L3MBTL1: variants seen among roughly 807,000 people sequenced by gnomAD.
L3MBTL1 encodes the protein L3MBTL histone methyl-lysine binding protein 1.
L3MBTL1 carries 75 observed loss-of-function variants against 105.3 expected under a neutral mutation model. The observed-to-expected ratio is 0.71, with a 90% CI of 0.59 to 0.86. The LOEUF (loss-of-function observed/expected upper bound fraction) is 0.86. L3MBTL1 is among the 40% of genes least tolerant of loss of function. The probability of loss-of-function intolerance (pLI) is 0.00; values close to 1 mark genes in which losing one functional copy is unlikely to be tolerated. For missense variants in L3MBTL1, 1,069 were observed against 1,126.4 expected (o/e 0.95, Z 0.73); for synonymous variants, 452 against 436.2 (o/e 1.04, Z -0.45).
At chr20:43,519,489 A>G (rs2018593516) in intron 7 of L3MBTL1, among the ~76,000 whole-genome samples, 1 of 152,138 alleles carries the variant, frequency 6.6e-6, no homozygotes, top group African/African-American at 2.4e-5. Context: ...ATACAAAATT[A>G]GCCAGGCATG....
intron 20 of L3MBTL1, 23 bp from the exon 21 acceptor site, chr20:43,540,730 A>C (rs767529272): frequency 1.9e-6 from 3 of 1,613,578 alleles, no homozygotes; most frequent in South Asian, 1.1e-5. Context: ...CCCCTGGTCA[A>C]CATGTCATCT....
chr20:43,533,175 A>G (rs1247857865), intron 12 of L3MBTL1, among the ~76,000 whole-genome samples, 167 bp from the exon 13 acceptor site: 1 of 152,112 alleles, frequency 6.6e-6, no homozygotes, highest in Admixed American at 6.5e-5. Flanking sequence ...TATTATGGTG[A>G]TGGTAGAGTT....
At chr20:43,523,663 G>A (rs1433182681) in intron 7 of L3MBTL1, 1 of 181,532 alleles carries the variant, frequency 5.5e-6, no homozygotes, top group Non-Finnish European at 1.2e-5. Context: ...TGGTCAACAA[G>A]ATCTCCTTAT....
chr20:43,535,782 C>T (rs1600950946), intron 16 of L3MBTL1, 55 bp from the exon 17 acceptor site: 3 of 1,203,052 alleles, frequency 2.5e-6, no homozygotes, highest in Non-Finnish European at 3.5e-6. Context: ...CTTCCGTGCC[C>T]CACACTCCCC....
In L3MBTL1 at chr20:43,535,875, C is replaced by T. The variant is rs376467003; in HGVS notation, c.1864C>T (p.Pro622Ser). Residue 622 changes from proline to serine, a missense_variant, in exon 17 of 22, where the codon CCC becomes TCC. Coordinates refer to ENST00000418998, the MANE Select transcript of L3MBTL1 (RefSeq NM_001377303.1). ...CAGCTCTGCCTCCCCTGGGGGCTGTCCCCCTCTCAGCTATAGGAGCCTGCC... is the reference window on the plus strand; with the variant it reads ...CAGCTCTGCCTCCCCTGGGGGCTGTTCCCCTCTCAGCTATAGGAGCCTGCC... The part of the protein sequence containing the change: ...EPSSASPGGC[P>S]PLSYRSLPHT... 6.2e-7 allele frequency: 1 copy of T among 1,612,104 alleles called. No individual in the cohort carries two copies.
In L3MBTL1 at chr20:43,513,897, G is replaced by A. The variant is rs751561871; in HGVS notation, c.196G>A (p.Glu66Lys). Residue 66 changes from glutamate (E) to lysine (K), a missense_variant, in exon 3 of 22, where the codon GAG (glutamate) becomes AAG (lysine). Transcript: ENST00000418998. The part of the protein sequence containing the change: ...SALDVSCFPR[E>K]PIHVGAPEQV... The stretch of plus-strand genomic sequence containing the variant: ...CCTGGATGTGTCTTGCTTTCCCCGG[G>A]AGCCAATCCATGTGGGTGCCCCGGA... 9 of 1,550,588 alleles carry A rather than the reference G, an allele frequency of 5.8e-6. No individual in the cohort carries two copies. In the South Asian group the frequency reaches 1.1e-4, roughly 18 times the overall value.
intron 7 of L3MBTL1, among the ~76,000 whole-genome samples, chr20:43,525,759 G>A (rs1490098324): frequency 6.6e-6 from 1 of 152,014 alleles, no homozygotes; most frequent in Non-Finnish European, 1.5e-5. Context: ...ACCCGTGAAA[G>A]GGGTTACTAT....
At chr20:43,533,615 T>C (rs1053885638) in intron 13 of L3MBTL1, among the ~76,000 whole-genome samples, 197 bp downstream of exon 13, 1 of 152,162 alleles carries the variant, frequency 6.6e-6, no homozygotes, top group Non-Finnish European at 1.5e-5. Flanking sequence ...AAACCCTGAC[T>C]CCACTGGGGT....
chr20:43,534,228 G>T, intron 14 of L3MBTL1, 56 bp from the exon 15 acceptor site: 1 of 1,572,122 alleles, frequency 6.4e-7, no homozygotes, highest in Non-Finnish European at 8.7e-7. Flanking sequence ...CTCCCTCTGT[G>T]GGGCTCAGCT....
chr20:43,548,038 C>T lies in L3MBTL1; in HGVS notation c.2125-73C>T, dbSNP rs115911239. 1.3e-3 allele frequency: 1,456 copies of T among 1,089,142 alleles called. 18 individuals are homozygous for T. The African/African-American group carries it at 0.021, about 16-fold the overall frequency. The allele number at this position is 1,089,142 out of a possible 1,614,324, so 67.5% of individuals were successfully genotyped here. The stretch of plus-strand genomic sequence containing the variant: ...TCCCCCATTCCCCATGCACACCCCT[C>T]CCTTTCCTTCACCCCTGCCCCGTGA... On this transcript the variant is annotated intron_variant, in intron 18 of 18. Transcript: ENST00000422861.
At chr20:43,518,897 G>A (rs1039069645) in intron 7 of L3MBTL1, among the ~76,000 whole-genome samples, 4 of 135,716 alleles carry the variant, frequency 2.9e-5, no homozygotes, top group South Asian at 5.1e-4. Flanking sequence ...ATGGTGGCTC[G>A]CACCTGTAAT....
chr20:43,546,176 G>A (rs1332518432), downstream of L3MBTL1, among the ~76,000 whole-genome samples: 1 of 152,196 alleles, frequency 6.6e-6, no homozygotes, highest in African/African-American at 2.4e-5. Flanking sequence ...TGGCAGGGGT[G>A]GTAGAGGGAA....
chr20:43,518,239 A>G (rs1194576938), intron 7 of L3MBTL1, among the ~76,000 whole-genome samples: 1 of 151,326 alleles, frequency 6.6e-6, no homozygotes, highest in African/African-American at 2.4e-5. Context: ...TCTCATTTTC[A>G]GAGTCTTCTG....
At position 43,513,598 on chromosome 20, in the gene L3MBTL1, G is replaced by A; in HGVS notation, c.95G>A (p.Gly32Asp). Residue 32 changes from glycine (G) to aspartate (D), a missense_variant, in exon 2 of 22, where the codon GGT becomes GAT. Gly to Asp is a moderately conservative substitution (Grantham distance 94). Transcript: ENST00000418998. ...SMHLVAGDSP[G>D]SGPHLPATAF... ...CACTTGGTGGCCGGAGACAGCCCCG[G>A]TTCTGGTCCTCACCTGCCCGCAACT... 1 of 1,550,584 alleles carries A rather than the reference G, an allele frequency of 6.4e-7. No individual in the cohort carries two copies. The highest frequency in any genetic ancestry group is 8.7e-7 in the Non-Finnish European group (1 of 1,146,974).
intron 18 of L3MBTL1, among the ~76,000 whole-genome samples, chr20:43,547,523 T>A (rs1231428224): frequency 6.6e-6 from 1 of 152,220 alleles, no homozygotes; most frequent in Non-Finnish European, 1.5e-5. Context: ...GAAAGTTAGA[T>A]CCAAAGGCTG....
downstream of L3MBTL1, among the ~76,000 whole-genome samples, chr20:43,544,522 T>C (rs1032528609): frequency 1.3e-5 from 2 of 152,200 alleles, no homozygotes; most frequent in Non-Finnish European, 2.9e-5. Flanking sequence ...GTCATTCCAT[T>C]GTTCCCTTAC....
At chr20:43,513,327 C>T (rs1160058788) in intron 1 of L3MBTL1, 149 bp from the exon 2 acceptor site, 2 of 734,502 alleles carry the variant, frequency 2.7e-6, no homozygotes, top group South Asian at 3.7e-5. Context: ...TGAAGACACC[C>T]TACTCCCCAC....
Position 43,514,710 on chromosome 20 carries a change from G to A in L3MBTL1, c.436G>A (p.Gly146Ser). ...CCCGAGCCCCGAGCTGCGGCAGGAA[G>A]GCGTGACCGAATACGAAGATGGCGG... is the stretch of plus-strand genomic sequence containing the variant. ...QPPSPELRQE[G>S]VTEYEDGGAP... is the part of the protein sequence containing the mutation. Residue 146 changes from glycine to serine, a missense_variant, in exon 4 of 22, where the codon GGC becomes AGC. By Grantham distance (56) the Gly-to-Ser change is moderately conservative. Transcript: ENST00000418998. The A allele has an allele frequency of 6.3e-7, 1 of 1,582,136 alleles. No individual in the cohort carries two copies. The highest frequency in any genetic ancestry group is 8.6e-7 in the Non-Finnish European group (1 of 1,164,416).
chr20:43,514,062 G>C lies in L3MBTL1; in HGVS notation c.360+1G>C, dbSNP rs1039531858. ...CCCGCCCCCAGGGGGCGGCCTGCGGGTCAGTGTCTGTGGGGATTGGCTAAG... is the reference window on the plus strand; with the variant it reads ...CCCGCCCCCAGGGGGCGGCCTGCGGCTCAGTGTCTGTGGGGATTGGCTAAG... On this transcript the variant is annotated splice_donor_variant, in intron 3 of 21. Transcript: ENST00000418998. LOFTEE classifies it high-confidence loss of function. 49 of 1,532,470 alleles carry C rather than the reference G, an allele frequency of 3.2e-5. No homozygotes were observed. Among genetic ancestry groups the C allele is most frequent in the Non-Finnish European group, 3.8e-5 (43 of 1,145,558 alleles). 94.9% of individuals were successfully genotyped at this position (1,532,470 alleles called of 1,614,324 possible). A position where few individuals can be genotyped will look rare whatever the true frequency, so the allele number is the denominator to read the frequency against.
Sources: gnomAD v4.1 joint callset for allele counts (sites outside exome capture counted in the v4.1 genomes callset) on GRCh38, gnomAD v4.1.1 for gene constraint, MANE v1.5 for transcripts, NCBI Gene and HGNC (gene_info 2026-07-23, HGNC 2026-07-21) for gene names.